The following NOS1AP variants were observed in gnomAD, a reference collection of about 807,000 sequenced individuals.
The protein encoded by NOS1AP is nitric oxide synthase 1 adaptor protein, also known as carboxyl-terminal PDZ ligand of neuronal nitric oxide synthase protein.
A neutral mutation model predicts 56.2 loss-of-function variants in NOS1AP; 21 were observed. That is an observed-to-expected ratio of 0.37 (90% CI 0.26 to 0.54). The LOEUF (loss-of-function observed/expected upper bound fraction) is 0.54, where lower values mean the gene tolerates loss of function less well. Ranked by LOEUF, NOS1AP falls within the 20% of genes least tolerant of loss-of-function variation. The pLI is 0.84. For missense variants in NOS1AP, 522 were observed against 657.8 expected (o/e 0.79, Z 2.26); for synonymous variants, 270 against 274.6 (o/e 0.98, Z 0.17).
chr1:162,097,120 G>A (rs1692261460), intron 1 of NOS1AP, among the ~76,000 whole-genome samples: 1 of 99,012 alleles, frequency 1.0e-5, no homozygotes, highest in African/African-American at 2.9e-5. Context: ...CAGTATGCTG[G>A]GTATTAAAAA....
At chr1:162,231,492 GTATT>G (rs1010771397) in intron 2 of NOS1AP, among the ~76,000 whole-genome samples, 2 of 152,004 alleles carry the variant, frequency 1.3e-5, no homozygotes, top group Non-Finnish European at 2.9e-5. Context: ...GCAGTCCAAT[GTATT>G]TATTTATGTT....
chr1:162,294,078 G>A (rs1044061360), intron 3 of NOS1AP, among the ~76,000 whole-genome samples: 3 of 152,082 alleles, frequency 2.0e-5, no homozygotes, highest in African/African-American at 7.2e-5. Flanking sequence ...TGGGAGAAAA[G>A]GGGGAAGCAT....
intron 2 of NOS1AP, among the ~76,000 whole-genome samples, chr1:162,236,491 C>T (rs1420661648): frequency 2.6e-5 from 4 of 152,142 alleles, no homozygotes; most frequent in Non-Finnish European, 5.9e-5. Flanking sequence ...GAGTAACTAG[C>T]GGACATGTCT....
At chr1:162,311,569 A>G (rs1247124186) in intron 4 of NOS1AP, among the ~76,000 whole-genome samples, 1 of 144,928 alleles carries the variant, frequency 6.9e-6, no homozygotes, top group East Asian at 2.0e-4. Flanking sequence ...TCTTTCTTTC[A>G]CCCTTTGTTT....
intron 4 of NOS1AP, among the ~76,000 whole-genome samples, chr1:162,312,201 A>T (rs1258121556): frequency 6.9e-6 from 1 of 145,432 alleles, no homozygotes; most frequent in Non-Finnish European, 1.5e-5. Context: ...TCCCACCAAC[A>T]GTGTAAAAGT....
intron 2 of NOS1AP, among the ~76,000 whole-genome samples, chr1:162,249,940 A>G (rs527739871): frequency 6.3e-4 from 96 of 152,282 alleles, no homozygotes; most frequent in Non-Finnish European, 1.2e-3. Flanking sequence ...GAGGAAGTAA[A>G]GACTTTGTAG....
intron 1 of NOS1AP, among the ~76,000 whole-genome samples, chr1:162,089,944 A>G (rs933380360): frequency 1.8e-4 from 27 of 152,232 alleles, no homozygotes; most frequent in African/African-American, 6.5e-4. Flanking sequence ...ATAGTTTGTT[A>G]TAGCAGCCCT....
At chr1:162,119,034 T>C (rs759436556) in intron 1 of NOS1AP, among the ~76,000 whole-genome samples, 6 of 152,214 alleles carry the variant, frequency 3.9e-5, no homozygotes, top group African/African-American at 7.2e-5. Flanking sequence ...AGGCAAATCA[T>C]GTGAGAGCTG....
rs140461464 is a variant in NOS1AP, at chr1:162,292,812, T to A, written c.270+5376T>A. Among the ~76,000 whole-genome samples, 50 of 152,294 alleles carry A rather than the reference T, an allele frequency of 3.3e-4. No homozygotes were observed. The East Asian group carries it at 8.9e-3, about 27-fold the overall frequency. On this transcript the variant is annotated intron_variant, in intron 3 of 9. Coordinates refer to ENST00000361897, the MANE Select transcript of NOS1AP (RefSeq NM_014697.3). ...ATGGAAACACAGAAGTCAGATCGAA[T>A]TAAGAAAAGGAGGCACTCAGAATTA...
chr1:162,191,964 C>T (rs970490321), intron 2 of NOS1AP, among the ~76,000 whole-genome samples: 6 of 152,060 alleles, frequency 3.9e-5, no homozygotes, highest in African/African-American at 1.4e-4. Context: ...GAGTGGTTGT[C>T]CCCTGGAAGA....
chr1:162,183,709 C>T (rs373365519), intron 2 of NOS1AP, among the ~76,000 whole-genome samples: 4 of 152,208 alleles, frequency 2.6e-5, no homozygotes, highest in African/African-American at 9.6e-5. Context: ...CTGCTAACTT[C>T]GAACTTTTCT....
At chr1:162,309,717 AAG>A (rs1286187840) in intron 4 of NOS1AP, among the ~76,000 whole-genome samples, 11 of 152,206 alleles carry the variant, frequency 7.2e-5, no homozygotes, top group African/African-American at 2.7e-4. Context: ...TAGTGAAAGA[AAG>A]GAGAGCCATG....
At chr1:162,126,602 T>C (rs1026322243) in intron 1 of NOS1AP, among the ~76,000 whole-genome samples, 1 of 152,000 alleles carries the variant, frequency 6.6e-6, no homozygotes, top group South Asian at 2.1e-4. Flanking sequence ...TGCAAGTATA[T>C]GGAATGCTTT....
At chr1:162,072,714 C>A (rs1053991091) in intron 1 of NOS1AP, among the ~76,000 whole-genome samples, 5 of 152,184 alleles carry the variant, frequency 3.3e-5, no homozygotes, top group African/African-American at 1.2e-4. Context: ...CCATGTTAGT[C>A]AAGACCTAAG....
intron 4 of NOS1AP, among the ~76,000 whole-genome samples, chr1:162,314,900 T>TAAG (rs763540060): frequency 6.6e-6 from 1 of 152,182 alleles, no homozygotes; most frequent in East Asian, 1.9e-4. Flanking sequence ...ACTGCTCAAG[T>TAAG]AAGAGTAGGA....
At chr1:162,365,969 C>A (rs1190949769) in intron 9 of NOS1AP, among the ~76,000 whole-genome samples, 1 of 152,126 alleles carries the variant, frequency 6.6e-6, no homozygotes, top group African/African-American at 2.4e-5. Context: ...TGGGAGACAG[C>A]AGATTGTTTC....
intron 1 of NOS1AP, among the ~76,000 whole-genome samples, chr1:162,151,082 T>C (rs1649686247): frequency 2.0e-5 from 3 of 152,228 alleles, no homozygotes; most frequent in Admixed American, 2.0e-4. Flanking sequence ...TTTTAACAGT[T>C]TCATAGTGTG....
intron 2 of NOS1AP, among the ~76,000 whole-genome samples, chr1:162,169,958 G>A (rs1650685246): frequency 6.6e-6 from 1 of 152,022 alleles, no homozygotes; most frequent in Admixed American, 6.6e-5. Context: ...TTTCCTGCCT[G>A]TATGGTCTCA....
intron 1 of NOS1AP, among the ~76,000 whole-genome samples, chr1:162,088,537 A>G (rs536729130): frequency 7.2e-5 from 11 of 152,272 alleles, no homozygotes; most frequent in Admixed American, 7.2e-4. Context: ...CTTTTTATGG[A>G]TTGACAATGA....
Sources: allele counts gnomAD v4.1 joint callset (sites outside exome capture counted in the v4.1 genomes callset), GRCh38; gene constraint gnomAD v4.1.1; transcripts MANE v1.5; gene names NCBI Gene and HGNC (gene_info 2026-07-23, HGNC 2026-07-21).